RIMBP2: variants seen among roughly 807,000 people sequenced by gnomAD.
RIMBP2 encodes RIMS binding protein 2.
In RIMBP2, 48 loss-of-function variants were observed where a neutral mutation model predicts 118.6. The ratio of observed to expected loss-of-function variants is 0.40; its 90% CI spans 0.32 to 0.51. The LOEUF (loss-of-function observed/expected upper bound fraction) is 0.51. Ranked by LOEUF, RIMBP2 falls within the 20% of genes least tolerant of loss-of-function variation. RIMBP2 has a pLI of 0.41. For synonymous variants in RIMBP2, 762 were observed against 742.9 expected (o/e 1.03, Z -0.42); for missense variants, 1,551 against 1,768.3 (o/e 0.88, Z 2.20).
intron 2 of RIMBP2, among the ~76,000 whole-genome samples, chr12:130,611,165 G>A (rs566975121): frequency 9.9e-4 from 151 of 152,282 alleles, no homozygotes; most frequent in Non-Finnish European, 1.5e-3. Flanking sequence ...CATGGGCTCC[G>A]GCCTCCAGGC....
intron 1 of RIMBP2, among the ~76,000 whole-genome samples, chr12:130,707,826 A>T (rs76696176): frequency 0.026 from 3,914 of 152,234 alleles, 174 homozygotes; most frequent in African/African-American, 0.089. Flanking sequence ...AAAGTGGCGG[A>T]TATTAGTGGA....
At chr12:130,662,992 A>C (rs989473554) in intron 1 of RIMBP2, among the ~76,000 whole-genome samples, 1 of 152,180 alleles carries the variant, frequency 6.6e-6, no homozygotes, top group Admixed American at 6.5e-5. Context: ...GTTCCATAGG[A>C]TAATTAACCA....
intron 14 of RIMBP2, among the ~76,000 whole-genome samples, chr12:130,433,062 T>A (rs2077252723): frequency 6.6e-6 from 1 of 151,176 alleles, no homozygotes; most frequent in African/African-American, 2.5e-5. Context: ...CTTGCTAAAC[T>A]CCAGAACAAC....
intron 2 of RIMBP2, among the ~76,000 whole-genome samples, chr12:130,600,700 C>T (rs1011008840): frequency 1.3e-5 from 2 of 152,220 alleles, no homozygotes; most frequent in African/African-American, 2.4e-5. Flanking sequence ...CTCCCCTACA[C>T]AAAAACATTC....
At chr12:130,674,219 C>T (rs1006279035) in intron 1 of RIMBP2, among the ~76,000 whole-genome samples, 3 of 152,218 alleles carry the variant, frequency 2.0e-5, no homozygotes, top group Non-Finnish European at 2.9e-5. Flanking sequence ...CTCTCTCCTG[C>T]TCCAGCCATG....
chr12:130,644,357 G>A (rs58862928), intron 1 of RIMBP2, among the ~76,000 whole-genome samples: 1,982 of 152,268 alleles, frequency 0.013, 45 homozygotes, highest in African/African-American at 0.046. Context: ...GGGCAGACAC[G>A]TGTCACCTTG....
chr12:130,656,850 A>C (rs768740641), intron 1 of RIMBP2, among the ~76,000 whole-genome samples: 9 of 152,142 alleles, frequency 5.9e-5, no homozygotes, highest in Non-Finnish European at 8.8e-5. Flanking sequence ...AGGAGGTTGC[A>C]GTGAGCCAAG....
intron 1 of RIMBP2, among the ~76,000 whole-genome samples, chr12:130,650,818 C>T (rs2063198861): frequency 6.6e-6 from 1 of 151,984 alleles, no homozygotes; most frequent in Non-Finnish European, 1.5e-5. Context: ...CAAGCAATTG[C>T]TTTTATAATT....
chr12:130,478,933 C>T lies in RIMBP2; in HGVS notation c.81G>A (p.Gln27=). Residue 27 remains glutamine, a synonymous_variant, in exon 5 of 23, where the codon CAG becomes CAA. Coordinates refer to ENST00000690449, the MANE Select transcript of RIMBP2 (RefSeq NM_001393629.1). ...TTACCTTCTGCAGAAGGTCAATTTC[C>T]TGCTGCTTGGCACTGAGAACAGCCA... ...QALAVLSAKQ[Q]EIDLLQKAQV... 1 of 1,613,660 alleles carries T rather than the reference C, an allele frequency of 6.2e-7. No individual in the cohort carries two copies. The highest frequency in any genetic ancestry group is 8.5e-7 in the Non-Finnish European group (1 of 1,179,856).
intron 1 of RIMBP2, among the ~76,000 whole-genome samples, chr12:130,652,748 T>C (rs2063280612): frequency 6.6e-6 from 1 of 152,222 alleles, no homozygotes; most frequent in Non-Finnish European, 1.5e-5. Context: ...ACAGGCAGCA[T>C]GGTGCCAGCA....
At chr12:130,694,279 C>G (rs1224499439) in intron 1 of RIMBP2, among the ~76,000 whole-genome samples, 1 of 152,232 alleles carries the variant, frequency 6.6e-6, no homozygotes, top group African/African-American at 2.4e-5. Flanking sequence ...TAAACCTTGA[C>G]TTGAACATCA....
At chr12:130,437,539 A>G (rs947245749) in intron 12 of RIMBP2, among the ~76,000 whole-genome samples, 20 of 152,190 alleles carry the variant, frequency 1.3e-4, no homozygotes, top group Non-Finnish European at 2.4e-4. Flanking sequence ...AGTGACGTCA[A>G]CCATTTATCT....
At chr12:130,663,015 G>A (rs2063726735) in intron 1 of RIMBP2, among the ~76,000 whole-genome samples, 1 of 152,164 alleles carries the variant, frequency 6.6e-6, no homozygotes, top group Non-Finnish European at 1.5e-5. Context: ...ATCTCTGTGG[G>A]TGGGAAAGAA....
intron 15 of RIMBP2, chr12:130,426,730 C>G (rs1462450342): frequency 6.6e-6 from 1 of 152,334 alleles, no homozygotes; most frequent in African/African-American, 2.4e-5. Flanking sequence ...AGCCCAGGAA[C>G]TTTATGATGA....
Position 130,434,937 on chromosome 12 carries a change from G to T in RIMBP2, c.2107-57C>A. On this transcript the variant is annotated intron_variant, in intron 13 of 22. Coordinates refer to ENST00000690449, the MANE Select transcript of RIMBP2 (RefSeq NM_001393629.1). This position sits in a 1 kb window ranked among gnomAD's most constrained non-coding sequence, Gnocchi z 5.7. ...GCAGGGCCACCTTCAGCTACGCTCAGCCCCACCTGCATTCACCAAACCTTC... is the reference window on the plus strand; with the variant it reads ...GCAGGGCCACCTTCAGCTACGCTCATCCCCACCTGCATTCACCAAACCTTC... 1 of 1,532,488 alleles carries T rather than the reference G, an allele frequency of 6.5e-7. No individual in the cohort carries two copies. 94.9% of individuals were successfully genotyped at this position (1,532,488 alleles called of 1,614,324 possible). A position where few individuals can be genotyped will look rare whatever the true frequency, so the allele number is the denominator to read the frequency against.
chr12:130,576,649 G>T lies in RIMBP2; in HGVS notation c.-217+51673C>A, dbSNP rs2058101288. Among the ~76,000 whole-genome samples, 1 of 152,224 alleles carries T rather than the reference G, an allele frequency of 6.6e-6. No individual in the cohort carries two copies. The highest frequency in any genetic ancestry group is 6.5e-5 in the Admixed American group (1 of 15,292). ...TGGAAAATGGAGAGATGAGGATGAA[G>T]CACGAGCTGGCAGGACAGGGAGGAC... is the stretch of plus-strand genomic sequence containing the variant. On this transcript the variant is annotated intron_variant, in intron 2 of 22. Transcript: ENST00000690449. This position sits in a 1 kb window ranked among gnomAD's most constrained non-coding sequence, Gnocchi z 4.2.
chr12:130,565,652 C>T (rs907759781), intron 2 of RIMBP2, among the ~76,000 whole-genome samples: 1 of 152,120 alleles, frequency 6.6e-6, no homozygotes, highest in African/African-American at 2.4e-5. Context: ...ATCCCAACTA[C>T]AAAGCCCACT....
chr12:130,435,829 G>A (rs1299435390), intron 13 of RIMBP2, among the ~76,000 whole-genome samples: 2 of 152,200 alleles, frequency 1.3e-5, no homozygotes, highest in Admixed American at 6.5e-5. Context: ...GGGTGGGGGC[G>A]GAAGGTAGCT....
chr12:130,681,540 T>A (rs996499782), intron 1 of RIMBP2, among the ~76,000 whole-genome samples: 17 of 152,064 alleles, frequency 1.1e-4, no homozygotes, highest in African/African-American at 3.9e-4. Context: ...TTGATTTTTT[T>A]TAAAAAAATC....
Sources: allele counts gnomAD v4.1 joint callset (sites outside exome capture counted in the v4.1 genomes callset), GRCh38; gene constraint gnomAD v4.1.1; non-coding constraint Gnocchi (gnomAD v3.1); transcripts MANE v1.5; gene names NCBI Gene and HGNC (gene_info 2026-07-23, HGNC 2026-07-21).